Variants in RRBP1 observed in about 807,000 individuals in gnomAD.
RRBP1 encodes ribosome binding protein 1, also known as ribosome-binding protein 1.
In RRBP1, 94 loss-of-function variants were observed where a neutral mutation model predicts 165.2. That is an observed-to-expected ratio of 0.57 (90% CI 0.48 to 0.68). The LOEUF (loss-of-function observed/expected upper bound fraction) is 0.68. Ranked by LOEUF, RRBP1 falls within the 30% of genes least tolerant of loss-of-function variation. The probability of loss-of-function intolerance (pLI) is 0.00; values close to 1 mark genes in which losing one functional copy is unlikely to be tolerated. For missense variants in RRBP1, 1,676 were observed against 1,763.0 expected (o/e 0.95, Z 0.88); for synonymous variants, 680 against 714.5 (o/e 0.95, Z 0.77).
intron 13 of RRBP1, 92 bp downstream of exon 13, chr20:17,624,484 T>C: frequency 1.2e-6 from 1 of 830,922 alleles, no homozygotes; most frequent in South Asian, 1.5e-5. Context: ...TCCTAGAGCA[T>C]CTGGTGTCCT....
chr20:17,635,495 C>T (rs1176486242), intron 7 of RRBP1, 51 bp downstream of exon 7: 6 of 1,395,340 alleles, frequency 4.3e-6, no homozygotes, highest in African/African-American at 2.9e-5. Context: ...GTGAAGCCTT[C>T]CTCGCTCCAG....
intron 24 of RRBP1, 24 bp downstream of exon 24, chr20:17,614,713 C>G (rs1317653716): frequency 1.9e-6 from 3 of 1,608,670 alleles, no homozygotes; most frequent in African/African-American, 2.7e-5. Flanking sequence ...CTCCTCCCGC[C>G]CTGCTTTGGC....
chr20:17,636,030 C>G (rs1600743478), intron 6 of RRBP1, among the ~76,000 whole-genome samples: 1 of 152,232 alleles, frequency 6.6e-6, no homozygotes, highest in Non-Finnish European at 1.5e-5. Flanking sequence ...GAGGAAGCCT[C>G]GATTCCTGCC....
At chr20:17,620,247 T>C in intron 18 of RRBP1, 52 bp downstream of exon 18, 1 of 1,429,714 alleles carries the variant, frequency 7.0e-7, no homozygotes, top group South Asian at 1.1e-5. Context: ...TAACGTCACT[T>C]TCAAAGAGGC....
Position 17,615,496 on chromosome 20 carries a change from A to G in RRBP1, c.3985T>C (p.Leu1329=), listed in dbSNP as rs138392478. ...QTSACRLQEE[L]EKLRTAGPLE... ...GGGCCGGCTGTGCGGAGCTTCTCCA[A>G]TTCTTCTTGTAACCGACATGCCGAG... Residue 1329 remains leucine (L), a synonymous_variant, in exon 23 of 25, where the codon TTG becomes CTG. Coordinates refer to ENST00000377813, the MANE Select transcript of RRBP1 (RefSeq NM_001365613.2). 5.0e-6 allele frequency: 8 copies of G among 1,606,936 alleles called. No individual in the cohort carries two copies. The highest frequency in any genetic ancestry group is 1.7e-4 in the Middle Eastern group (1 of 6,052).
intron 1 of RRBP1, among the ~76,000 whole-genome samples, chr20:17,681,084 G>A (rs1377904920): frequency 6.6e-6 from 1 of 151,764 alleles, no homozygotes; most frequent in Non-Finnish European, 1.5e-5. Context: ...AGGGCGCAGC[G>A]GGAGAGCCGG....
In RRBP1 at chr20:17,659,730, T is replaced by C. The variant is rs1257105415; in HGVS notation, c.778A>G (p.Lys260Glu). The change falls in exon 3 of 25, where the codon AAA (lysine) becomes GAA (glutamate). Residue 260 changes from lysine (K) to glutamate (E), a missense_variant. Lys to Glu is a moderately conservative substitution (Grantham distance 56, BLOSUM62 1). Around this residue, in one of 5 missense-constraint regions of RRBP1, gnomAD observed 392 missense variants for 382.5 expected, o/e 1.02. Transcript: ENST00000377813. ...TGGTTCTGGGCCCCCTCCGCCTTTTTGCCTTGGTTTGGGGTTCCTTCTGCC... is the reference window on the plus strand; with the variant it reads ...TGGTTCTGGGCCCCCTCCGCCTTTTCGCCTTGGTTTGGGGTTCCTTCTGCC... ...KKAEGTPNQG[K>E]KAEGAQNQGK... 6.4e-7 allele frequency: 1 copy of C among 1,550,652 alleles called. No individual in the cohort carries two copies. Among genetic ancestry groups the C allele is most frequent in the South Asian group, 1.2e-5 (1 of 84,060 alleles).
chr20:17,662,257 C>G (rs557779257), intron 2 of RRBP1, among the ~76,000 whole-genome samples: 1 of 150,036 alleles, frequency 6.7e-6, no homozygotes, highest in Non-Finnish European at 1.5e-5. Context: ...AGCGAGACTC[C>G]GTCTCAAAAA....
chr20:17,672,598 A>C (rs1279245064), intron 2 of RRBP1, among the ~76,000 whole-genome samples: 1 of 152,248 alleles, frequency 6.6e-6, no homozygotes, highest in African/African-American at 2.4e-5. Flanking sequence ...CAAGCACTTC[A>C]GACAAAAAGT....
rs76574491 is a variant in RRBP1, at chr20:17,619,677, C to T, written c.3631G>A (p.Ala1211Thr). ...TAGTTCTGGCACTCGGCGCTGGCGG[C>T]CGCCATGTGCTTTTCCAGCTCTGCC... ...LEAELEKHMA[A>T]ASAECQNYAK... The change falls in exon 19 of 25, where the codon GCC becomes ACC. Residue 1211 changes from alanine to threonine, a missense_variant. This residue lies in a region of RRBP1 where 1,184 missense variants were observed against 1,167.1 expected (regional missense o/e 1.01). Transcript: ENST00000377813. 4.2e-4 allele frequency: 675 copies of T among 1,612,916 alleles called. 4 individuals carry two copies. The African/African-American group carries it at 8.0e-3, about 19-fold the overall frequency.
chr20:17,624,188 G>A (rs79800907), intron 13 of RRBP1, among the ~76,000 whole-genome samples: 3,288 of 152,308 alleles, frequency 0.022, 50 homozygotes, highest in South Asian at 0.037. Context: ...AGGGAAGGAC[G>A]GCAGGGAAGG....
intron 3 of RRBP1, among the ~76,000 whole-genome samples, chr20:17,650,979 C>T (rs1322420935): frequency 6.6e-6 from 1 of 152,228 alleles, no homozygotes; most frequent in Non-Finnish European, 1.5e-5. Context: ...CATAGGTGCT[C>T]AGTTAACTAT....
chr20:17,660,297 T>C lies in RRBP1; in HGVS notation c.211A>G (p.Lys71Glu), dbSNP rs1041836639. ...KKEKTVEKKG[K>E]TKKKEEKPNG... ...GGTTTCTCTTCCTTTTTCTTGGTCTTTCCTTTCTTCTCCACTGTTTTCTCC... is the reference window on the plus strand; with the variant it reads ...GGTTTCTCTTCCTTTTTCTTGGTCTCTCCTTTCTTCTCCACTGTTTTCTCC... The change falls in exon 3 of 25, where the codon AAG becomes GAG. Residue 71 changes from lysine (K) to glutamate (E), a missense_variant. Physicochemically the swap from Lys to Glu is moderately conservative, Grantham distance 56. Around this residue, in one of 5 missense-constraint regions of RRBP1, gnomAD observed 392 missense variants for 382.5 expected, o/e 1.02. Transcript: ENST00000377813. 1 of 1,607,590 alleles carries C rather than the reference T, an allele frequency of 6.2e-7. No individual in the cohort carries two copies. The highest frequency in any genetic ancestry group is 8.5e-7 in the Non-Finnish European group (1 of 1,176,238).
chr20:17,640,897 T>C (rs1480032463), intron 5 of RRBP1, among the ~76,000 whole-genome samples: 1 of 152,236 alleles, frequency 6.6e-6, no homozygotes, highest in Non-Finnish European at 1.5e-5. Flanking sequence ...GAAGAAGGGC[T>C]GTAGCCCAGA....
intron 2 of RRBP1, among the ~76,000 whole-genome samples, chr20:17,661,409 G>A (rs1003491990): frequency 2.0e-5 from 3 of 152,140 alleles, no homozygotes; most frequent in Non-Finnish European, 2.9e-5. Context: ...CTGCACAGAG[G>A]GTGAGGAGAC....
At chr20:17,676,677 G>T (rs2037088319) in intron 2 of RRBP1, among the ~76,000 whole-genome samples, 1 of 152,188 alleles carries the variant, frequency 6.6e-6, no homozygotes, top group African/African-American at 2.4e-5. Context: ...GTCCACGGCT[G>T]CCACACAAGA....
chr20:17,656,889 C>A (rs942612196), intron 3 of RRBP1, among the ~76,000 whole-genome samples: 5 of 152,214 alleles, frequency 3.3e-5, no homozygotes, highest in Non-Finnish European at 5.9e-5. Context: ...AACTTTATCA[C>A]CCCACTCAAG....
At chr20:17,657,424 G>A (rs1021913098) in intron 3 of RRBP1, among the ~76,000 whole-genome samples, 2 of 152,192 alleles carry the variant, frequency 1.3e-5, no homozygotes, top group African/African-American at 4.8e-5. Flanking sequence ...GCAAGATAGG[G>A]AAGCCCAGCT....
chr20:17,619,650 C>T lies in RRBP1; in HGVS notation c.3658G>A (p.Ala1220Thr), dbSNP rs201224607. 20 of 1,612,048 alleles carry T rather than the reference C, an allele frequency of 1.2e-5. No individual in the cohort carries two copies. Among genetic ancestry groups the T allele is most frequent in the Non-Finnish European group, 1.5e-5 (18 of 1,179,440 alleles). Residue 1220 changes from alanine to threonine, a missense_variant, in exon 19 of 25, where the codon GCC becomes ACC. This residue lies in a region of RRBP1 where 1,184 missense variants were observed against 1,167.1 expected (regional missense o/e 1.01). Transcript: ENST00000377813. ...AGACTCACCCCTGCCACCTCCTTGG[C>T]GTAGTTCTGGCACTCGGCGCTGGCG... is the stretch of plus-strand genomic sequence containing the variant. ...AAASAECQNY[A>T]KEVAGLRQLL...
Sources: allele counts gnomAD v4.1 joint callset (sites outside exome capture counted in the v4.1 genomes callset), GRCh38; gene constraint gnomAD v4.1.1; regional missense constraint gnomAD v4.1.1; transcripts MANE v1.5; gene names NCBI Gene and HGNC (gene_info 2026-07-23, HGNC 2026-07-21).